The following NCOR1 variants were observed in gnomAD, a reference collection of about 807,000 sequenced individuals.
NCOR1 encodes the protein nuclear receptor corepressor 1.
In NCOR1, 63 loss-of-function variants were observed where a neutral mutation model predicts 288.1. The ratio of observed to expected loss-of-function variants is 0.22; its 90% CI spans 0.18 to 0.27. The LOEUF is 0.27. NCOR1 is among the 10% of genes least tolerant of loss of function. The pLI, the probability that NCOR1 is intolerant of heterozygous loss-of-function variation, is 1.00. For missense variants in NCOR1, 2,397 were observed against 3,019.2 expected (o/e 0.79, Z 4.83); for synonymous variants, 1,007 against 1,065.9 (o/e 0.94, Z 1.08).
intron 43 of NCOR1, 91 bp downstream of exon 43, chr17:16,040,350 C>A: frequency 9.5e-7 from 1 of 1,049,176 alleles, no homozygotes. Flanking sequence ...AGTCACTCCC[C>A]TGGTATACAG....
chr17:16,166,020 T>C (rs1324409279), intron 4 of NCOR1, among the ~76,000 whole-genome samples: 1 of 152,216 alleles, frequency 6.6e-6, no homozygotes, highest in African/African-American at 2.4e-5. Flanking sequence ...TCAATAGTTC[T>C]GAGTCAAGAA....
At position 16,030,470 on chromosome 17, in the gene NCOR1, ACT is replaced by A. The variant is rs777819939; in HGVS notation, c.*1824_*1825del. 2 of 205,168 alleles carry A rather than the reference ACT, an allele frequency of 9.7e-6. No homozygotes were observed. Among genetic ancestry groups the A allele is most frequent in the Non-Finnish European group, 2.0e-5 (2 of 100,328 alleles). 12.7% of individuals were successfully genotyped at this position (205,168 alleles called of 1,614,324 possible). On this transcript the variant is annotated 3_prime_UTR_variant, in exon 46 of 46. Coordinates refer to ENST00000268712, the MANE Select transcript of NCOR1 (RefSeq NM_006311.4). ...GGTTGGCAATATAAATTATTAACAA[ACT>A]CTAAAATATTACCAGTACCTGAAAA...
At chr17:16,039,262 T>C (rs1004620989) in intron 44 of NCOR1, 171 bp downstream of exon 44, 5 of 630,002 alleles carry the variant, frequency 7.9e-6, no homozygotes, top group Non-Finnish European at 1.4e-5. Flanking sequence ...GTTCATATTA[T>C]AATGTCTGGG....
intron 18 of NCOR1, among the ~76,000 whole-genome samples, chr17:16,111,931 G>A (rs370888670): frequency 5.9e-5 from 9 of 152,118 alleles, no homozygotes; most frequent in East Asian, 5.8e-4. Flanking sequence ...GTGCAGTGGC[G>A]CCATCTCGGC....
chr17:16,116,623 A>G (rs1004741683), intron 18 of NCOR1, among the ~76,000 whole-genome samples: 1 of 152,246 alleles, frequency 6.6e-6, no homozygotes, highest in Non-Finnish European at 1.5e-5. Context: ...ATCTAAAATG[A>G]CATTCCATGA....
intron 11 of NCOR1, among the ~76,000 whole-genome samples, chr17:16,139,835 T>C (rs1408684779): frequency 6.6e-6 from 1 of 152,184 alleles, no homozygotes; most frequent in Non-Finnish European, 1.5e-5. Context: ...CAAACTTCTA[T>C]TTAAAAGCTT....
chr17:16,047,365 A>T (rs536336743), intron 41 of NCOR1, among the ~76,000 whole-genome samples: 10 of 152,368 alleles, frequency 6.6e-5, no homozygotes, highest in African/African-American at 2.4e-4. Flanking sequence ...ATGAAGAAGC[A>T]GTAAATGAAT....
At chr17:16,109,923 G>A (rs566031751) in intron 18 of NCOR1, among the ~76,000 whole-genome samples, 1 of 152,052 alleles carries the variant, frequency 6.6e-6, no homozygotes, top group Non-Finnish European at 1.5e-5. Context: ...TAGTAGAGAC[G>A]GGGTTTCACC....
At chr17:16,073,140 C>A (rs888434070) in intron 28 of NCOR1, among the ~76,000 whole-genome samples, 1 of 152,232 alleles carries the variant, frequency 6.6e-6, no homozygotes, top group Non-Finnish European at 1.5e-5. Flanking sequence ...CAGGAATAAT[C>A]TGCAAATTGT....
intron 35 of NCOR1, 76 bp from the exon 36 acceptor site, chr17:16,062,346 T>C (rs1468618119): frequency 2.1e-6 from 3 of 1,411,344 alleles, no homozygotes; most frequent in South Asian, 1.5e-5. Flanking sequence ...TGCTTATGGA[T>C]TGTTTATTTC....
At chr17:16,066,407 C>T (rs369194511) in intron 32 of NCOR1, among the ~76,000 whole-genome samples, 5 of 152,208 alleles carry the variant, frequency 3.3e-5, no homozygotes, top group African/African-American at 9.6e-5. Flanking sequence ...ACACAAGATA[C>T]GAGGAAGGGG....
Position 16,158,819 on chromosome 17 carries a change from G to A in NCOR1, c.673C>T (p.Pro225Ser). The A allele has an allele frequency of 2.5e-6, 4 of 1,614,054 alleles. No individual in the cohort carries two copies. In the East Asian group the frequency reaches 6.7e-5, roughly 27 times the overall value. The change falls in exon 6 of 46, where the codon CCT becomes TCT. Residue 225 changes from proline to serine, a missense_variant. By Grantham distance (74) the Pro-to-Ser change is moderately conservative. Around this residue, in one of 11 missense-constraint regions of NCOR1, gnomAD observed 76 missense variants for 102.2 expected, o/e 0.74. Coordinates refer to ENST00000268712, the MANE Select transcript of NCOR1 (RefSeq NM_006311.4). Reference protein sequence around the residue: ...KPPEPEKPVSPPPVEQKHRSI... With the variant: ...KPPEPEKPVSSPPVEQKHRSI... Reference sequence around the variant, plus strand: ...CGGTGTTTCTGCTCCACAGGAGGAGGGGACACGGGCTTCTCAGGCTCAGGA... The same window carrying A: ...CGGTGTTTCTGCTCCACAGGAGGAGAGGACACGGGCTTCTCAGGCTCAGGA...
chr17:16,152,214 T>C (rs2078980578), intron 7 of NCOR1, among the ~76,000 whole-genome samples: 1 of 152,230 alleles, frequency 6.6e-6, no homozygotes, highest in South Asian at 2.1e-4. Context: ...TGCAGGTTTG[T>C]TACATATGTA....
At chr17:16,082,559 TA>T (rs1387733284) in intron 23 of NCOR1, among the ~76,000 whole-genome samples, 7 of 148,044 alleles carry the variant, frequency 4.7e-5, no homozygotes, top group South Asian at 2.1e-4. Context: ...CTATAAAAAA[TA>T]AAAAAAAAAT....
intron 3 of NCOR1, among the ~76,000 whole-genome samples, chr17:16,181,571 T>C (rs2085496593): frequency 6.6e-6 from 1 of 152,152 alleles, no homozygotes; most frequent in African/African-American, 2.4e-5. Context: ...TGTATTATAT[T>C]AGGGATTTTT....
Position 16,034,790 on chromosome 17 carries a change from G to C in NCOR1, c.7110C>G (p.Ala2370=). The change falls in exon 45 of 46, where the codon GCC becomes GCG. Residue 2370 remains alanine (A), a synonymous_variant. Coordinates refer to ENST00000268712, the MANE Select transcript of NCOR1 (RefSeq NM_006311.4). ...GDYHRQTPGW[A]WEDRPSSTGS... ...CTGTTGAAGAGGGCCTGTCTTCCCAGGCCCACCCTGGCGTCTGCCTATGGT... is the reference window on the plus strand; with the variant it reads ...CTGTTGAAGAGGGCCTGTCTTCCCACGCCCACCCTGGCGTCTGCCTATGGT... 6.2e-7 allele frequency: 1 copy of C among 1,613,684 alleles called. No individual in the cohort carries two copies. The highest frequency in any genetic ancestry group is 8.5e-7 in the Non-Finnish European group (1 of 1,179,836).
chr17:16,163,531 G>C (rs2081326052), intron 5 of NCOR1, among the ~76,000 whole-genome samples: 2 of 152,010 alleles, frequency 1.3e-5, no homozygotes, highest in Non-Finnish European at 2.9e-5. Context: ...TGGCAAGGAG[G>C]TAGGAAAAAA....
intron 14 of NCOR1, among the ~76,000 whole-genome samples, chr17:16,135,698 T>C (rs1019488127): frequency 1.3e-5 from 2 of 152,206 alleles, no homozygotes; most frequent in African/African-American, 4.8e-5. Context: ...TATACTTTTT[T>C]AAACAAGAAA....
chr17:16,101,837 A>G, intron 19 of NCOR1, 80 bp from the exon 20 acceptor site: 1 of 1,520,658 alleles, frequency 6.6e-7, no homozygotes, highest in South Asian at 1.2e-5. Context: ...TAAAAATCTG[A>G]TAATGAACAT....
Sources: gnomAD v4.1 joint callset for allele counts (sites outside exome capture counted in the v4.1 genomes callset) on GRCh38, gnomAD v4.1.1 for gene constraint, gnomAD v4.1.1 regional missense constraint, MANE v1.5 for transcripts, NCBI Gene and HGNC (gene_info 2026-07-23, HGNC 2026-07-21) for gene names.